Variants in CADM2 observed in about 807,000 individuals in gnomAD.
CADM2 encodes immunoglobulin superfamily member 4D.
Under a neutral mutation model 49.8 loss-of-function variants are expected in CADM2, and 12 were observed. The ratio of observed to expected loss-of-function variants is 0.24; its 90% confidence interval spans 0.15 to 0.39. The LOEUF (loss-of-function observed/expected upper bound fraction) is 0.39, where lower values mean the gene tolerates loss of function less well. Among genes scored for constraint, CADM2 ranks in the 10% least tolerant of loss-of-function variants. The pLI is 1.00. For synonymous variants in CADM2, 214 were observed against 175.4 expected, an observed-to-expected ratio of 1.22 and a Z score of -1.74; for missense variants, 378 against 492.3, an observed-to-expected ratio of 0.77 and a Z score of 2.20.
chr3:85,071,468 T>TA (rs2036741992), intron 1 of CADM2, among the ~76,000 whole-genome samples: 1 of 152,182 alleles, frequency 6.6e-6, no homozygotes, highest in Non-Finnish European at 1.5e-5. Context: ...AGTATTAACT[T>TA]ACAAGTAGTG....
chr3:85,495,042 G>T (rs1181183437), intron 1 of CADM2, among the ~76,000 whole-genome samples: 1 of 152,174 alleles, frequency 6.6e-6, no homozygotes, highest in East Asian at 1.9e-4. Flanking sequence ...TCATGTGTAT[G>T]TAATTTTATT....
At chr3:85,649,508 TTA>T (rs1559569067) in intron 1 of CADM2, among the ~76,000 whole-genome samples, 4 of 152,162 alleles carry the variant, frequency 2.6e-5, no homozygotes, top group Non-Finnish European at 5.9e-5. Context: ...AAGCACTTAG[TTA>T]GTGTTACCTT....
At chr3:85,564,742 A>C (rs939474072) in intron 1 of CADM2, among the ~76,000 whole-genome samples, 1 of 152,038 alleles carries the variant, frequency 6.6e-6, no homozygotes, top group Non-Finnish European at 1.5e-5. Flanking sequence ...AAAGACTGTA[A>C]ATTATAGGAA....
chr3:85,070,072 A>C (rs1035992316), intron 1 of CADM2, among the ~76,000 whole-genome samples: 1 of 151,802 alleles, frequency 6.6e-6, no homozygotes, highest in Non-Finnish European at 1.5e-5. Flanking sequence ...AATAAGCAAA[A>C]TTTTTTTTCT....
intron 1 of CADM2, among the ~76,000 whole-genome samples, chr3:85,078,717 C>T (rs2107494170): frequency 1.3e-5 from 2 of 151,260 alleles, no homozygotes; most frequent in South Asian, 4.2e-4. Context: ...GAGCCTTTTA[C>T]AATCTATTAG....
intron 3 of CADM2, among the ~76,000 whole-genome samples, chr3:85,848,672 T>A (rs559505017): frequency 6.6e-6 from 1 of 152,286 alleles, no homozygotes. Context: ...ATACAGTAAA[T>A]CTTATTTTTA....
intron 1 of CADM2, among the ~76,000 whole-genome samples, chr3:85,505,456 A>G (rs955729281): frequency 2.0e-5 from 3 of 152,176 alleles, no homozygotes; most frequent in African/African-American, 2.4e-5. Context: ...GACCTTAGGT[A>G]AAGTTCTCCT....
intron 1 of CADM2, among the ~76,000 whole-genome samples, chr3:85,667,832 C>T (rs1286197543): frequency 3.9e-5 from 6 of 151,970 alleles, no homozygotes; most frequent in Non-Finnish European, 8.8e-5. Flanking sequence ...CGCATCCATA[C>T]GATGGAACTC....
At chr3:85,773,246 G>T (rs1483985836) in intron 2 of CADM2, among the ~76,000 whole-genome samples, 1 of 151,946 alleles carries the variant, frequency 6.6e-6, no homozygotes, top group Non-Finnish European at 1.5e-5. Flanking sequence ...CTTTTTAATG[G>T]CTCAACCCCA....
intron 1 of CADM2, among the ~76,000 whole-genome samples, chr3:85,241,569 AT>A (rs2042529722): frequency 6.6e-6 from 1 of 151,674 alleles, no homozygotes; most frequent in South Asian, 2.1e-4. Context: ...GGAAAAAAAA[AT>A]CATAGTCAGT....
chr3:85,515,326 A>G (rs1459539839), intron 1 of CADM2, among the ~76,000 whole-genome samples: 2 of 152,024 alleles, frequency 1.3e-5, no homozygotes, highest in African/African-American at 4.8e-5. Context: ...ATTTTCGAAG[A>G]TAACACCATC....
At chr3:85,780,363 A>G (rs1013172849) in intron 2 of CADM2, among the ~76,000 whole-genome samples, 1 of 152,228 alleles carries the variant, frequency 6.6e-6, no homozygotes, top group African/African-American at 2.4e-5. Context: ...CTGTTGAATC[A>G]AAGCAAACAT....
rs554363123 is a variant in CADM2 at position 85,230,773 on chromosome 3, G to GT, written c.61+271112dup. Among the ~76,000 whole-genome samples, 119 of 152,146 alleles carry GT rather than the reference G, an allele frequency of 7.8e-4. 1 individual carries two copies. Among genetic ancestry groups the GT allele is most frequent in the African/African-American group, 2.7e-3 (114 of 41,514 alleles). ...AATATCCTAAGTACAAGAAAGAGTT[G>GT]TTTTTTTGTGTGTTTGTTTTCTTTT... is the stretch of plus-strand genomic sequence containing the variant. On this transcript the variant is annotated intron_variant, in intron 1 of 9. Coordinates refer to ENST00000383699, the MANE Select transcript of CADM2 (RefSeq NM_001167675.2).
chr3:85,597,960 A>T (rs116592392), intron 1 of CADM2, among the ~76,000 whole-genome samples: 2,090 of 152,200 alleles, frequency 0.014, 24 homozygotes, highest in Middle Eastern at 0.041. Flanking sequence ...TTCTTGTAAT[A>T]GAGGTTTTTA....
chr3:85,802,315 T>C, intron 3 of CADM2, 119 bp downstream of exon 3: 1 of 835,466 alleles, frequency 1.2e-6, no homozygotes, highest in Non-Finnish European at 1.7e-6. Context: ...CTGCTGCTTG[T>C]ATTTAAACAT....
chr3:85,570,048 A>G (rs996812365), intron 1 of CADM2, among the ~76,000 whole-genome samples: 14 of 152,190 alleles, frequency 9.2e-5, no homozygotes, highest in South Asian at 2.1e-4. Context: ...ACAGCTCCAT[A>G]ACACAAATGC....
intron 8 of CADM2, among the ~76,000 whole-genome samples, chr3:86,011,014 C>A (rs1276936648): frequency 6.6e-6 from 1 of 151,706 alleles, no homozygotes; most frequent in African/African-American, 2.4e-5. Flanking sequence ...GGAAAATATA[C>A]CTTTTATCGT....
rs577801044 is a variant in CADM2, at chr3:85,802,545, A to G, written c.238+349A>G. Among the ~76,000 whole-genome samples the G allele has an allele frequency of 4.6e-5, 7 of 152,166 alleles. No individual in the cohort carries two copies. In the East Asian group the frequency reaches 9.7e-4, roughly 21 times the overall value. On this transcript the variant is annotated intron_variant, in intron 3 of 9. Transcript: ENST00000383699. ...CTCCTGATAATATAATATGATTTTT[A>G]TGGAAATTAGGTTTATATATTTGGA...
chr3:85,344,270 A>G (rs1023698323), intron 1 of CADM2, among the ~76,000 whole-genome samples: 3 of 151,808 alleles, frequency 2.0e-5, no homozygotes, highest in African/African-American at 4.8e-5. Context: ...AGTCCCAGCT[A>G]CTTGGGAGGC....
Sources: gnomAD v4.1 joint callset for allele counts (sites outside exome capture counted in the v4.1 genomes callset) on GRCh38, gnomAD v4.1.1 for gene constraint, MANE v1.5 for transcripts, NCBI Gene and HGNC (gene_info 2026-07-23, HGNC 2026-07-21) for gene names.